The following DNAJB2 variants were observed in gnomAD, a reference collection of about 807,000 sequenced individuals.
DNAJB2 encodes the protein dnaJ homolog subfamily B member 2.
Under a neutral mutation model 33.3 loss-of-function variants are expected in DNAJB2, and 19 were observed. That is an observed-to-expected ratio of 0.57 (90% CI 0.40 to 0.84). The LOEUF is 0.84. Among genes scored for constraint, DNAJB2 ranks in the 40% least tolerant of loss-of-function variants. The pLI is 0.00. For synonymous variants in DNAJB2, 172 were observed against 164.6 expected (o/e 1.04, Z -0.34); for missense variants, 368 against 430.9 (o/e 0.85, Z 1.29).
rs1951894852 is a variant in DNAJB2 at position 219,280,562 on chromosome 2, C to T, written c.66-16C>T. ...ATTTGTCCCCCGACTCTCTCCTCTG[C>T]ACCCACTTTCTGCAGGTATCGGCGC... On this transcript the variant is annotated splice_polypyrimidine_tract_variant and intron_variant, in intron 2 of 8. Transcript: ENST00000336576. 3 of 1,604,780 alleles carry T rather than the reference C, an allele frequency of 1.9e-6. No homozygotes were observed. The highest frequency in any genetic ancestry group is 2.2e-5 in the South Asian group (2 of 90,876).
At position 219,285,626 on chromosome 2, in the gene DNAJB2, G is replaced by T; in HGVS notation, c.*639G>T. On this transcript the variant is annotated 3_prime_UTR_variant, in exon 9 of 9. Transcript: ENST00000336576. ...CCCGAGAAGGCCTCAATGTGGCGAG[G>T]AAGATGCTGGGGCCGGTAGGGCTGT... The T allele has an allele frequency of 9.0e-7, 1 of 1,106,150 alleles. No homozygotes were observed. The highest frequency in any genetic ancestry group is 1.1e-6 in the Non-Finnish European group (1 of 906,656). The allele number at this position is 1,106,150 out of a possible 1,614,324, so 68.5% of individuals were successfully genotyped here.
rs1951885448 is a variant in DNAJB2 at position 219,279,629 on chromosome 2, C to G, written c.-37+111C>G. ...CGTCGAGATAGCTCTTGGCCCCGGC[C>G]TGCGGGGGCAGATAAGGCTGCCGGA... On this transcript the variant is annotated intron_variant, in intron 1 of 8. Transcript: ENST00000336576. This position sits in a 1 kb window ranked among gnomAD's most constrained non-coding sequence, Gnocchi z 4.9. 1 of 596,378 alleles carries G rather than the reference C, an allele frequency of 1.7e-6. No individual in the cohort carries two copies. The highest frequency in any genetic ancestry group is 2.9e-6 in the Non-Finnish European group (1 of 340,064). 36.9% of individuals were successfully genotyped at this position (596,378 alleles called of 1,614,324 possible).
At position 219,280,186 on chromosome 2, in the gene DNAJB2, C is replaced by T. The variant is rs574072787; in HGVS notation, c.65+288C>T. The T allele has an allele frequency of 4.0e-4, 216 of 533,856 alleles. 6 individuals are homozygous for T. In the East Asian group the frequency reaches 7.0e-3, roughly 17 times the overall value. 33.1% of individuals were successfully genotyped at this position (533,856 alleles called of 1,614,324 possible). ...TCCTCCTCCTCCTTTCCCCTCCCCTCCCCCTTCCCCCTAGATTTGGGCATT... is the reference window on the plus strand; with the variant it reads ...TCCTCCTCCTCCTTTCCCCTCCCCTTCCCCTTCCCCCTAGATTTGGGCATT... On this transcript the variant is annotated intron_variant, in intron 2 of 8. Transcript: ENST00000336576.
rs765503301 is a variant in DNAJB2 at position 219,282,818 on chromosome 2, A to G, written c.353-19A>G. On this transcript the variant is annotated intron_variant, in intron 5 of 8. Coordinates refer to ENST00000336576, the MANE Select transcript of DNAJB2 (RefSeq NM_006736.6). ...AAATGTCATTACCAGATGACTGCTA[A>G]TCTGTTTACTTGTTGCAGATGACCT... The G allele has an allele frequency of 1.3e-6, 2 of 1,554,178 alleles. No homozygotes were observed. The highest frequency in any genetic ancestry group is 1.7e-6 in the Non-Finnish European group (2 of 1,155,390).
At position 219,286,476 on chromosome 2, in the gene DNAJB2, A is replaced by G. The variant is rs1951957870; in HGVS notation, c.*1489A>G. 6.4e-6 allele frequency: 1 copy of G among 156,680 alleles called. No homozygotes were observed. Among genetic ancestry groups the G allele is most frequent in the African/African-American group, 2.4e-5 (1 of 41,638 alleles). The allele number at this position is 156,680 out of a possible 1,614,324, so 9.7% of individuals were successfully genotyped here. On this transcript the variant is annotated 3_prime_UTR_variant, in exon 9 of 9. Transcript: ENST00000336576. ...AGTGGGCAGGGCAGAGCCGCGCAGC[A>G]CCTGGGAGCGGTACCTTTCCCTTGG...
rs1330470714 is a variant in DNAJB2, at chr2:219,286,741, C to T, written c.*1754C>T. On this transcript the variant is annotated 3_prime_UTR_variant, in exon 9 of 9. Coordinates refer to ENST00000336576, the MANE Select transcript of DNAJB2 (RefSeq NM_006736.6). Reference sequence around the variant, plus strand: ...CTTTCCAACATCACAGATGAACTGCCTCTCCTCCTCCCTGCCTGGGGAGCC... The same window carrying T: ...CTTTCCAACATCACAGATGAACTGCTTCTCCTCCTCCCTGCCTGGGGAGCC... The T allele has an allele frequency of 6.6e-6, 1 of 152,298 alleles. No homozygotes were observed. The highest frequency in any genetic ancestry group is 1.9e-4 in the East Asian group (1 of 5,196). The allele number at this position is 152,298 out of a possible 1,614,324, so 9.4% of individuals were successfully genotyped here.
At position 219,284,651 on chromosome 2, in the gene DNAJB2, A is replaced by G; in HGVS notation, c.639A>G (p.Ala213=). Residue 213 remains alanine, a synonymous_variant, in exon 9 of 9, where the codon GCA becomes GCG. Coordinates refer to ENST00000336576, the MANE Select transcript of DNAJB2 (RefSeq NM_006736.6). ...VTINGVPDDL[A]LGLELSRREQ... ...TTGCAGGTGTCCCAGATGACCTGGC[A>G]CTGGGCTTGGAGCTGAGCCGTCGCG... The G allele has an allele frequency of 6.3e-7, 1 of 1,594,014 alleles. No homozygotes were observed. Among genetic ancestry groups the G allele is most frequent in the Non-Finnish European group, 8.6e-7 (1 of 1,166,560 alleles).
rs1391363154 is a variant in DNAJB2 at position 219,285,804 on chromosome 2, G to T, written c.*817G>T. ...GAGGCTGGCTCACCCTGAAGAGGTGGGATAGGACCGGGGGACCCCAGAGGG... is the reference window on the plus strand; with the variant it reads ...GAGGCTGGCTCACCCTGAAGAGGTGTGATAGGACCGGGGGACCCCAGAGGG... On this transcript the variant is annotated 3_prime_UTR_variant, in exon 9 of 9. Coordinates refer to ENST00000336576, the MANE Select transcript of DNAJB2 (RefSeq NM_006736.6). 2.1e-6 allele frequency: 3 copies of T among 1,397,114 alleles called. No homozygotes were observed. The highest frequency in any genetic ancestry group is 2.8e-6 in the Non-Finnish European group (3 of 1,071,282). 86.5% of individuals were successfully genotyped at this position (1,397,114 alleles called of 1,614,324 possible). A position where few individuals can be genotyped will look rare whatever the true frequency, so the allele number is the denominator to read the frequency against.
Position 219,279,693 on chromosome 2 carries a change from C to A in DNAJB2, c.-36-105C>A. The A allele has an allele frequency of 2.4e-6, 2 of 844,404 alleles. No homozygotes were observed. The highest frequency in any genetic ancestry group is 3.7e-6 in the Non-Finnish European group (2 of 541,214). The allele number at this position is 844,404 out of a possible 1,614,324, so 52.3% of individuals were successfully genotyped here. ...CCGGCCGCAAGCAGAGCCCGGTGTGCTCCGCTTCCAACTGGGAGCGCCTTC... is the reference window on the plus strand; with the variant it reads ...CCGGCCGCAAGCAGAGCCCGGTGTGATCCGCTTCCAACTGGGAGCGCCTTC... On this transcript the variant is annotated intron_variant, in intron 1 of 8. Coordinates refer to ENST00000336576, the MANE Select transcript of DNAJB2 (RefSeq NM_006736.6). The surrounding 1 kb of genome is among the most constrained non-coding windows in gnomAD (Gnocchi z 4.9).
chr2:219,283,309 C>G, intron 7 of DNAJB2, 74 bp downstream of exon 7: 1 of 1,608,786 alleles, frequency 6.2e-7, no homozygotes, highest in Non-Finnish European at 8.5e-7. Flanking sequence ...AAAGTTGGCT[C>G]CTTGAGGGCA....
At chr2:219,282,377 C>A (rs1340364722) in intron 5 of DNAJB2, 6 of 421,476 alleles carry the variant, frequency 1.4e-5, no homozygotes, top group Non-Finnish European at 2.6e-5. Flanking sequence ...ACCTATAAAA[C>A]AGATAGTGGT....
Position 219,285,269 on chromosome 2 carries a change from G to A in DNAJB2, c.*282G>A. 1 of 1,152,284 alleles carries A rather than the reference G, an allele frequency of 8.7e-7. No homozygotes were observed. The highest frequency in any genetic ancestry group is 4.3e-5 in the East Asian group (1 of 23,390). 71.4% of individuals were successfully genotyped at this position (1,152,284 alleles called of 1,614,324 possible). A position where few individuals can be genotyped will look rare whatever the true frequency, so the allele number is the denominator to read the frequency against. On this transcript the variant is annotated 3_prime_UTR_variant, in exon 9 of 9. Transcript: ENST00000336576. ...ATTTATTGGATGGGGAGCTCCAAGGGGCATTAGTGGTTTGGGCTGGGCCTT... is the reference window on the plus strand; with the variant it reads ...ATTTATTGGATGGGGAGCTCCAAGGAGCATTAGTGGTTTGGGCTGGGCCTT...
chr2:219,282,763 C>T (rs1431227650), intron 5 of DNAJB2, 74 bp from the exon 6 acceptor site: 2 of 1,418,770 alleles, frequency 1.4e-6, no homozygotes, highest in African/African-American at 1.4e-5. Flanking sequence ...GTTTATACTT[C>T]CAGACTTGGG....
chr2:219,284,541 C>G (rs974062245), intron 8 of DNAJB2, 91 bp from the exon 9 acceptor site: 2 of 1,464,818 alleles, frequency 1.4e-6, no homozygotes, highest in East Asian at 2.3e-5. Context: ...ATAAGAGACT[C>G]TAAGTGGTCA....
In DNAJB2 at chr2:219,285,477, G is replaced by A. The variant is rs978559095; in HGVS notation, c.*490G>A. 6 of 1,007,198 alleles carry A rather than the reference G, an allele frequency of 6.0e-6. No homozygotes were observed. In the African/African-American group the frequency reaches 8.6e-5, roughly 14 times the overall value. 62.4% of individuals were successfully genotyped at this position (1,007,198 alleles called of 1,614,324 possible). A position where few individuals can be genotyped will look rare whatever the true frequency, so the allele number is the denominator to read the frequency against. The stretch of plus-strand genomic sequence containing the variant: ...TGGTTTCTGTGCCATGTTGCGCTCT[G>A]ACCGTCTCTGTTGCTTCTCTTCTGG... On this transcript the variant is annotated 3_prime_UTR_variant, in exon 9 of 9. Coordinates refer to ENST00000336576, the MANE Select transcript of DNAJB2 (RefSeq NM_006736.6).
intron 2 of DNAJB2, chr2:219,280,175 TC>T: frequency 1.9e-6 from 1 of 523,662 alleles, no homozygotes; most frequent in Non-Finnish European, 3.4e-6. Context: ...CCTCCTCCTT[TC>T]CCCTCCCCTC....
Position 219,282,882 on chromosome 2 carries a change from A to C in DNAJB2, c.398A>C (p.His133Pro). 2 of 1,607,144 alleles carry C rather than the reference A, an allele frequency of 1.2e-6. No individual in the cohort carries two copies. The highest frequency in any genetic ancestry group is 1.7e-6 in the Non-Finnish European group (2 of 1,177,612). The change falls in exon 6 of 9, where the codon CAC becomes CCC. Residue 133 changes from histidine (H) to proline (P), a missense_variant. By Grantham distance (77) the His-to-Pro change is moderately conservative (BLOSUM62 -2). Coordinates refer to ENST00000336576, the MANE Select transcript of DNAJB2 (RefSeq NM_006736.6). ...FSELQNRGSR[H>P]SGPFFTFSSS... The stretch of plus-strand genomic sequence containing the variant: ...GAGCTTCAGAACCGGGGTTCCCGAC[A>C]CTCAGGCCCCTTCTTTACCTTCTCT...
At position 219,284,803 on chromosome 2, in the gene DNAJB2, CAG is replaced by C. The variant is rs1951939263; in HGVS notation, c.795_796del (p.Glu265AspfsTer41). 1 of 1,612,854 alleles carries C rather than the reference CAG, an allele frequency of 6.2e-7. No individual in the cohort carries two copies. The highest frequency in any genetic ancestry group is 8.5e-7 in the Non-Finnish European group (1 of 1,179,656). ...CAGCTGGCCATGGCCTACAGCCTGT[CAG>C]AGATGGAGGCAGCTGGGAAGAAACC... On this transcript the variant is annotated frameshift_variant, in exon 9 of 9. Coordinates refer to ENST00000336576, the MANE Select transcript of DNAJB2 (RefSeq NM_006736.6). LOFTEE classifies it high-confidence loss of function.
At chr2:219,282,681 A>C in intron 5 of DNAJB2, 156 bp from the exon 6 acceptor site, 1 of 609,276 alleles carries the variant, frequency 1.6e-6, no homozygotes, top group Non-Finnish European at 2.6e-6. Context: ...TTCGAATTCA[A>C]CATTAAAAAG....
Sources: gnomAD v4.1 joint callset for allele counts on GRCh38, gnomAD v4.1.1 for gene constraint, Gnocchi (gnomAD v3.1) non-coding constraint, MANE v1.5 for transcripts, NCBI Gene and HGNC (gene_info 2026-07-23, HGNC 2026-07-21) for gene names.